The following ICA1L variants were observed in gnomAD, a reference collection of about 807,000 sequenced individuals.
The protein encoded by ICA1L is islet cell autoantigen 1-like protein.
In ICA1L, 50 loss-of-function variants were observed where a neutral mutation model predicts 61.3. That is an observed-to-expected ratio of 0.82 (90% CI 0.65 to 1.03). The LOEUF is 1.03. Among genes scored for constraint, ICA1L ranks in the 50% least tolerant of loss-of-function variants. The pLI is 0.00. For missense variants in ICA1L, 508 were observed against 556.7 expected (o/e 0.91, Z 0.88); for synonymous variants, 161 against 191.3 (o/e 0.84, Z 1.31).
intron 1 of ICA1L, among the ~76,000 whole-genome samples, chr2:202,833,592 ATAAAAAAT>A (rs911601841): frequency 1.3e-5 from 2 of 152,172 alleles, no homozygotes. Flanking sequence ...CTCTAAAAAA[ATAAAAAAT>A]TAAAAAATAA....
intron 5 of ICA1L, among the ~76,000 whole-genome samples, chr2:202,819,184 T>C (rs1404494014): frequency 6.6e-6 from 1 of 152,246 alleles, no homozygotes; most frequent in East Asian, 1.9e-4. Context: ...AAAATGAATT[T>C]TGTTATTTAT....
intron 4 of ICA1L, among the ~76,000 whole-genome samples, chr2:202,820,550 CAG>C (rs1366614830): frequency 2.0e-5 from 3 of 152,162 alleles, no homozygotes; most frequent in Non-Finnish European, 4.4e-5. Context: ...ATCCAATTAA[CAG>C]AAAGCCTTTC....
chr2:202,821,478 A>G lies in ICA1L; in HGVS notation c.239T>C (p.Ile80Thr). 1 of 1,602,852 alleles carries G rather than the reference A, an allele frequency of 6.2e-7. No individual in the cohort carries two copies. The highest frequency in any genetic ancestry group is 8.5e-7 in the Non-Finnish European group (1 of 1,175,260). ...CCCTAGCTCATTTTCTTCCTCTGAT[A>G]TAACTAGGAAAAAAATTACAGTGTA... ...IEKYQLRLNV[I>T]SEEENELGLF... Residue 80 changes from isoleucine to threonine, a missense_variant, in exon 4 of 13, where the codon ATA (isoleucine) becomes ACA (threonine). By Grantham distance (89) the Ile-to-Thr change is moderately conservative (BLOSUM62 -1). Transcript: ENST00000358299.
In ICA1L at chr2:202,774,345, C is replaced by G. The variant is rs1424195307; in HGVS notation, c.*5188G>C. The G allele has an allele frequency of 7.2e-7, 1 of 1,383,468 alleles. No homozygotes were observed. Among genetic ancestry groups the G allele is most frequent in the African/African-American group, 1.5e-5 (1 of 64,696 alleles). 85.7% of individuals were successfully genotyped at this position (1,383,468 alleles called of 1,614,324 possible). ...CCCCGCAGCGCTGAGGCGAGCCTGC[C>G]GCGCGCTCCGCTCAGCGTGGTCTGG... On this transcript the variant is annotated 3_prime_UTR_variant, in exon 13 of 13. Coordinates refer to ENST00000358299, the MANE Select transcript of ICA1L (RefSeq NM_001288622.3).
rs981623039 is a variant in ICA1L, at chr2:202,823,454, G to T, written c.236-1973C>A. Among the ~76,000 whole-genome samples the T allele has an allele frequency of 4.0e-4, 61 of 152,034 alleles. 2 individuals carry two copies. ...TGCTAAAAGATCTAGTGATTTCAGGGTATATAAACTTGCTGATTTTCTTCA... is the reference window on the plus strand; with the variant it reads ...TGCTAAAAGATCTAGTGATTTCAGGTTATATAAACTTGCTGATTTTCTTCA... On this transcript the variant is annotated intron_variant, in intron 3 of 12. Transcript: ENST00000358299.
At chr2:202,835,725 T>A (rs193190244) in intron 1 of ICA1L, among the ~76,000 whole-genome samples, 2 of 151,870 alleles carry the variant, frequency 1.3e-5, no homozygotes, top group East Asian at 3.9e-4. Flanking sequence ...TTTTTTTTAT[T>A]TTTTGTAGAG....
rs975323283 is a variant in ICA1L at position 202,777,937 on chromosome 2, G to C, written c.*1596C>G. 6.9e-6 allele frequency: 1 copy of C among 143,908 alleles called. No homozygotes were observed. Among genetic ancestry groups the C allele is most frequent in the Non-Finnish European group, 1.5e-5 (1 of 67,210 alleles). The allele number at this position is 143,908 out of a possible 1,614,324, so 8.9% of individuals were successfully genotyped here. ...GCTCTGTTGCCTAGGCTGGAGTGCA[G>C]TGGCGCCATCTCAGCTCACTGCAAG... On this transcript the variant is annotated 3_prime_UTR_variant, in exon 13 of 13. Transcript: ENST00000358299.
chr2:202,811,799 AAAC>A lies in ICA1L; in HGVS notation c.867-13_867-11del. ...ATCAGACAAAACTAGCCTGAAGTAA[AAAC>A]AAAAAAAAATGTAGATTTTTTGTTA... On this transcript the variant is annotated splice_polypyrimidine_tract_variant and intron_variant, in intron 8 of 12. Coordinates refer to ENST00000358299, the MANE Select transcript of ICA1L (RefSeq NM_001288622.3). The A allele has an allele frequency of 6.3e-7, 1 of 1,594,620 alleles. No homozygotes were observed. Among genetic ancestry groups the A allele is most frequent in the Non-Finnish European group, 8.6e-7 (1 of 1,164,282 alleles).
intron 1 of ICA1L, among the ~76,000 whole-genome samples, chr2:202,845,112 C>T (rs1270761805): frequency 7.2e-5 from 11 of 152,168 alleles, no homozygotes; most frequent in Non-Finnish European, 1.5e-5. Context: ...TTATATTGGA[C>T]ACACCTAAAT....
chr2:202,777,872 A>G lies in ICA1L; in HGVS notation c.*1661T>C, dbSNP rs1692272765. 6.7e-6 allele frequency: 1 copy of G among 149,330 alleles called. No individual in the cohort carries two copies. The highest frequency in any genetic ancestry group is 1.5e-5 in the Non-Finnish European group (1 of 67,782). 9.3% of individuals were successfully genotyped at this position (149,330 alleles called of 1,614,324 possible). ...AGCTACTGTGAATAACTTAGTTAAA[A>G]TGTCTTTTTTTTTTTTTTTTTTTTT... On this transcript the variant is annotated 3_prime_UTR_variant, in exon 13 of 13. Transcript: ENST00000358299.
rs1692130684 is a variant in ICA1L at position 202,773,856 on chromosome 2, TC to T, written c.*5676del. ...AGTGCAGCCCTGTGGGAAGTTTTCTTCTACAGAGGCTGAGTGGAACAGTCCT... is the reference window on the plus strand; with the variant it reads ...AGTGCAGCCCTGTGGGAAGTTTTCTTTACAGAGGCTGAGTGGAACAGTCCT... On this transcript the variant is annotated 3_prime_UTR_variant, in exon 13 of 13. Coordinates refer to ENST00000358299, the MANE Select transcript of ICA1L (RefSeq NM_001288622.3). 36 of 1,334,234 alleles carry T rather than the reference TC, an allele frequency of 2.7e-5. No homozygotes were observed. The highest frequency in any genetic ancestry group is 5.1e-5 in the Admixed American group (3 of 59,170). The allele number at this position is 1,334,234 out of a possible 1,614,324, so 82.6% of individuals were successfully genotyped here.
rs1041858843 is a variant in ICA1L at position 202,819,699 on chromosome 2, A to G, written c.558+2T>C. 1 of 1,607,748 alleles carries G rather than the reference A, an allele frequency of 6.2e-7. No homozygotes were observed. The highest frequency in any genetic ancestry group is 1.3e-5 in the African/African-American group (1 of 74,792). ...GAAAAGGAAAGGGATACGTTTTCAT[A>G]CTTTTCTAAACTTTTCCATTTGCTT... On this transcript the variant is annotated splice_donor_variant, in intron 5 of 12. Transcript: ENST00000358299. LOFTEE classifies it high-confidence loss of function.
chr2:202,834,226 C>T (rs1226128281), intron 1 of ICA1L, among the ~76,000 whole-genome samples: 1 of 152,020 alleles, frequency 6.6e-6, no homozygotes, highest in African/African-American at 2.4e-5. Flanking sequence ...GAAAATTACA[C>T]CAGATAATTT....
intron 1 of ICA1L, among the ~76,000 whole-genome samples, chr2:202,866,648 T>A (rs749163992): frequency 6.6e-6 from 1 of 152,140 alleles, no homozygotes. Flanking sequence ...ATGTAAAATT[T>A]AAAACTGTAA....
chr2:202,783,904 TGGG>T (rs563884639), intron 12 of ICA1L, among the ~76,000 whole-genome samples: 6 of 148,302 alleles, frequency 4.0e-5, no homozygotes, highest in African/African-American at 7.4e-5. Flanking sequence ...ATGTATATGA[TGGG>T]GGGGTGGGGA....
Position 202,814,778 on chromosome 2 carries a change from G to T in ICA1L, c.790C>A (p.Gln264Lys). ...TCACTAATCTTGCTTGGCGTGTCTT[G>T]TAGTTGCTAAAGATAAGAAAGTCAA... is the stretch of plus-strand genomic sequence containing the variant. ...PYDFVALKQL[Q>K]DTPSKISEDN... The change falls in exon 8 of 13, where the codon CAA (glutamine) becomes AAA (lysine). Residue 264 changes from glutamine (Q) to lysine (K), a missense_variant. Physicochemically the swap from Gln to Lys is moderately conservative, Grantham distance 53 (BLOSUM62 1). Coordinates refer to ENST00000358299, the MANE Select transcript of ICA1L (RefSeq NM_001288622.3). 1 of 1,610,852 alleles carries T rather than the reference G, an allele frequency of 6.2e-7. No individual in the cohort carries two copies. Among genetic ancestry groups the T allele is most frequent in the Non-Finnish European group, 8.5e-7 (1 of 1,177,504 alleles).
intron 10 of ICA1L, among the ~76,000 whole-genome samples, chr2:202,791,779 A>G (rs999807556): frequency 6.6e-6 from 1 of 152,032 alleles, no homozygotes; most frequent in Non-Finnish European, 1.5e-5. Flanking sequence ...TGGGAGGTGG[A>G]GGTTGCAGTG....
intron 12 of ICA1L, among the ~76,000 whole-genome samples, chr2:202,780,464 A>G (rs1228173812): frequency 6.6e-6 from 1 of 152,196 alleles, no homozygotes; most frequent in African/African-American, 2.4e-5. Context: ...TCAAGAGTGT[A>G]TATTTGGGCT....
intron 4 of ICA1L, among the ~76,000 whole-genome samples, chr2:202,820,993 A>G (rs893435813): frequency 6.6e-6 from 1 of 152,236 alleles, no homozygotes; most frequent in Non-Finnish European, 1.5e-5. Context: ...TTTATAGTAT[A>G]GTATCAAAAA....
Sources: gnomAD v4.1 joint callset for allele counts (sites outside exome capture counted in the v4.1 genomes callset) on GRCh38, gnomAD v4.1.1 for gene constraint, MANE v1.5 for transcripts, NCBI Gene and HGNC (gene_info 2026-07-23, HGNC 2026-07-21) for gene names.